Variants in HHIP observed in about 807,000 individuals in gnomAD.
HHIP encodes the protein hedgehog-interacting protein.
In HHIP, 12 loss-of-function variants were observed where a neutral mutation model predicts 74.0. That is an observed-to-expected ratio of 0.16 (90% CI 0.10 to 0.26). The LOEUF (loss-of-function observed/expected upper bound fraction) is 0.26, where lower values mean the gene tolerates loss of function less well. Among genes scored for constraint, HHIP ranks in the 10% least tolerant of loss-of-function variants. HHIP has a pLI of 1.00. For synonymous variants in HHIP, 309 were observed against 311.6 expected, an observed-to-expected ratio of 0.99 and a Z score of 0.09; for missense variants, 788 against 845.0, an observed-to-expected ratio of 0.93 and a Z score of 0.84.
At chr4:144,686,709 T>C (rs899770545) in intron 4 of HHIP, among the ~76,000 whole-genome samples, 7 of 151,996 alleles carry the variant, frequency 4.6e-5, no homozygotes, top group Admixed American at 4.6e-4. Context: ...TATTAAAAGA[T>C]TATTAAAGAC....
chr4:144,742,978 TATATA>T lies in HHIP; in HGVS notation c.*5022_*5026del. ...TATACATATAAGATATATGTATATA[TATATA>T]CATTATATATATATAATATATATAT... On this transcript the variant is annotated 3_prime_UTR_variant, in exon 13 of 13. Transcript: ENST00000296575. 7.2e-4 allele frequency: 1 copy of T among 1,384 alleles called. No individual in the cohort carries two copies. The highest frequency in any genetic ancestry group is 2.4e-3 in the Non-Finnish European group (1 of 418). 0.1% of individuals were successfully genotyped at this position (1,384 alleles called of 1,614,324 possible). A position where few individuals can be genotyped will look rare whatever the true frequency, so the allele number is the denominator to read the frequency against.
At position 144,724,444 on chromosome 4, in the gene HHIP, A is replaced by T. The variant is rs138812659; in HGVS notation, c.1760+5488A>T. Among the ~76,000 whole-genome samples, 305 of 152,038 alleles carry T rather than the reference A, an allele frequency of 2.0e-3. 2 individuals carry two copies. The highest frequency in any genetic ancestry group is 6.8e-3 in the African/African-American group (283 of 41,484). On this transcript the variant is annotated intron_variant, in intron 11 of 12. Transcript: ENST00000296575. The stretch of plus-strand genomic sequence containing the variant: ...CCCTACTTGAAATCCTTCACTGGTC[A>T]CCCACAGCTATTAAAGATGAATCTA...
chr4:144,723,712 A>G (rs1730701998), intron 11 of HHIP, among the ~76,000 whole-genome samples: 1 of 152,210 alleles, frequency 6.6e-6, no homozygotes, highest in Non-Finnish European at 1.5e-5. Context: ...CAAACTGTTT[A>G]GCAGCTCCAT....
intron 7 of HHIP, among the ~76,000 whole-genome samples, chr4:144,709,233 A>G (rs1323499034): frequency 2.0e-5 from 3 of 152,160 alleles, no homozygotes; most frequent in Non-Finnish European, 4.4e-5. Context: ...ACCCAAGTCT[A>G]CAGTTCATTT....
chr4:144,656,029 T>C (rs1023170461), intron 2 of HHIP, among the ~76,000 whole-genome samples: 5 of 152,290 alleles, frequency 3.3e-5, no homozygotes, highest in African/African-American at 9.6e-5. Context: ...GACCTGACCA[T>C]ATTATGATGA....
intron 1 of HHIP, among the ~76,000 whole-genome samples, chr4:144,649,605 T>A (rs1292794361): frequency 6.6e-6 from 1 of 152,160 alleles, no homozygotes; most frequent in Non-Finnish European, 1.5e-5. Context: ...AGGATCTAAT[T>A]CTTATTAACC....
intron 2 of HHIP, among the ~76,000 whole-genome samples, chr4:144,656,593 C>A (rs778892236): frequency 1.2e-4 from 18 of 152,060 alleles, no homozygotes; most frequent in Non-Finnish European, 2.2e-4. Flanking sequence ...TTTTGAATTG[C>A]ATTTTGAAAT....
At chr4:144,708,069 G>T (rs1730194886) in intron 6 of HHIP, 99 bp from the exon 7 acceptor site, 2 of 1,241,004 alleles carry the variant, frequency 1.6e-6, no homozygotes, top group Admixed American at 1.8e-5. Context: ...TCAACTAAGG[G>T]GATGATTTTT....
chr4:144,712,885 G>GGTGT (rs4030000), intron 8 of HHIP, among the ~76,000 whole-genome samples: 72,269 of 143,914 alleles, frequency 0.5, 18,221 homozygotes, highest in South Asian at 0.7. Context: ...TTTTTTTTCA[G>GGTGT]GTGTGTGTGT....
At chr4:144,687,690 A>C (rs763782093) in intron 4 of HHIP, among the ~76,000 whole-genome samples, 4 of 150,580 alleles carry the variant, frequency 2.7e-5, no homozygotes, top group Non-Finnish European at 4.4e-5. Flanking sequence ...CCACAGAGCC[A>C]TAAAACTCAC....
rs79787333 is a variant in HHIP at position 144,701,800 on chromosome 4, C to T, written c.832-4731C>T. On this transcript the variant is annotated intron_variant, in intron 4 of 12. Transcript: ENST00000296575. Reference sequence around the variant, plus strand: ...GGATGACTGAACTTGAAGTCAGCCACTTACCAAAAGGTCACTAAGAAAAAT... The same window carrying T: ...GGATGACTGAACTTGAAGTCAGCCATTTACCAAAAGGTCACTAAGAAAAAT... Among the ~76,000 whole-genome samples the T allele has an allele frequency of 2.6e-4, 39 of 152,264 alleles. No individual in the cohort carries two copies. In the East Asian group the frequency reaches 6.9e-3, roughly 27 times the overall value.
chr4:144,671,998 A>G (rs1336483346), intron 4 of HHIP, among the ~76,000 whole-genome samples: 1 of 152,132 alleles, frequency 6.6e-6, no homozygotes, highest in African/African-American at 2.4e-5. Context: ...AAATAAATAA[A>G]TAAAAACAAA....
intron 4 of HHIP, among the ~76,000 whole-genome samples, chr4:144,680,477 C>T (rs1729303966): frequency 6.6e-6 from 1 of 152,166 alleles, no homozygotes; most frequent in South Asian, 2.1e-4. Flanking sequence ...TACAAAGCTA[C>T]TTTCTGTTTG....
Position 144,739,658 on chromosome 4 carries a change from A to C in HHIP, c.*1701A>C, listed in dbSNP as rs1277152464. 1 of 152,192 alleles carries C rather than the reference A, an allele frequency of 6.6e-6. No individual in the cohort carries two copies. Among genetic ancestry groups the C allele is most frequent in the Non-Finnish European group, 1.5e-5 (1 of 68,030 alleles). 9.4% of individuals were successfully genotyped at this position (152,192 alleles called of 1,614,324 possible). The stretch of plus-strand genomic sequence containing the variant: ...TTCAAGTGACCTCATGCCAAATGGA[A>C]ATGGGTTGAGAAATCTTGGTTCAGT... On this transcript the variant is annotated 3_prime_UTR_variant, in exon 13 of 13. Coordinates refer to ENST00000296575, the MANE Select transcript of HHIP (RefSeq NM_022475.3).
intron 4 of HHIP, among the ~76,000 whole-genome samples, chr4:144,691,120 C>A (rs1024165011): frequency 8.5e-5 from 13 of 152,154 alleles, no homozygotes; most frequent in Non-Finnish European, 1.3e-4. Context: ...TTACATGCAT[C>A]TCTGATATCT....
chr4:144,715,575 T>G, intron 10 of HHIP, 145 bp downstream of exon 10: 1 of 664,784 alleles, frequency 1.5e-6, no homozygotes. Context: ...CTCCAGAGAT[T>G]AAGATAGTCC....
chr4:144,681,876 C>T (rs149232822), intron 4 of HHIP, among the ~76,000 whole-genome samples: 255 of 152,250 alleles, frequency 1.7e-3, no homozygotes, highest in African/African-American at 5.5e-3. Flanking sequence ...CTGTGGGCCA[C>T]GTGCTTTAGT....
At chr4:144,696,845 T>C (rs1433773851) in intron 4 of HHIP, among the ~76,000 whole-genome samples, 1 of 151,958 alleles carries the variant, frequency 6.6e-6, no homozygotes, top group African/African-American at 2.4e-5. Context: ...ATTTGTACTA[T>C]AACAAGGAGG....
At position 144,726,649 on chromosome 4, in the gene HHIP, A is replaced by G. The variant is rs138951332; in HGVS notation, c.1760+7693A>G. ...TTAACACTAATAAGCTCATATACAA[A>G]AGAGAATATCAGCACAACATGAAAG... is the stretch of plus-strand genomic sequence containing the variant. On this transcript the variant is annotated intron_variant, in intron 11 of 12. Coordinates refer to ENST00000296575, the MANE Select transcript of HHIP (RefSeq NM_022475.3). Among the ~76,000 whole-genome samples the G allele has an allele frequency of 1.1e-3, 175 of 152,286 alleles. 1 individual carries two copies. The highest frequency in any genetic ancestry group is 3.7e-3 in the African/African-American group (152 of 41,564).
Sources: allele counts gnomAD v4.1 joint callset (sites outside exome capture counted in the v4.1 genomes callset), GRCh38; gene constraint gnomAD v4.1.1; transcripts MANE v1.5; gene names NCBI Gene and HGNC (gene_info 2026-07-23, HGNC 2026-07-21).